The following WDPCP variants were observed in gnomAD, a reference collection of about 807,000 sequenced individuals.
WDPCP encodes the protein WD repeat-containing and planar cell polarity effector protein fritz homolog.
A neutral mutation model predicts 93.1 loss-of-function variants in WDPCP; 71 were observed. The observed-to-expected ratio is 0.76, with a 90% CI of 0.63 to 0.93. WDPCP has a LOEUF of 0.93. WDPCP is among the 40% of genes least tolerant of loss of function. The pLI is 0.00. For missense variants in WDPCP, 844 were observed against 887.4 expected (o/e 0.95, Z 0.62); for synonymous variants, 315 against 315.0 (o/e 1.00, Z 0.00).
intron 14 of WDPCP, chr2:63,228,482 G>T (rs1387954810): frequency 6.9e-6 from 1 of 144,676 alleles, no homozygotes; most frequent in African/African-American, 2.6e-5. Flanking sequence ...TGCACAACGT[G>T]CAGGTTTGTT....
At chr2:63,523,649 C>T (rs1242674493) in intron 1 of WDPCP, among the ~76,000 whole-genome samples, 2 of 152,210 alleles carry the variant, frequency 1.3e-5, no homozygotes, top group Non-Finnish European at 2.9e-5. Context: ...CAGTGGCTCA[C>T]ACCTGTAATC....
At chr2:63,790,717 C>T (rs1670531947) in intron 2 of WDPCP, among the ~76,000 whole-genome samples, 1 of 152,094 alleles carries the variant, frequency 6.6e-6, no homozygotes, top group African/African-American at 2.4e-5. Context: ...AAGGAAAGTC[C>T]TATTTCTGTA....
intron 2 of WDPCP, among the ~76,000 whole-genome samples, chr2:63,722,341 C>G (rs938499782): frequency 6.6e-6 from 1 of 150,686 alleles, no homozygotes; most frequent in Non-Finnish European, 1.5e-5. Flanking sequence ...TCTGCCCGGC[C>G]GCCCATCGTC....
At chr2:63,538,515 A>T in intron 1 of WDPCP, among the ~76,000 whole-genome samples, 1 of 152,172 alleles carries the variant, frequency 6.6e-6, no homozygotes, top group East Asian at 1.9e-4. Context: ...ATGGGAGAGA[A>T]ATTCATACAA....
In WDPCP at chr2:63,674,168, G is replaced by A. The variant is rs539911034; in HGVS notation, n.309-23330C>T. Among the ~76,000 whole-genome samples, 15 of 152,314 alleles carry A rather than the reference G, an allele frequency of 9.8e-5. 1 individual carries two copies. In the South Asian group the frequency reaches 3.1e-3, roughly 32 times the overall value. On this transcript the variant is annotated intron_variant and non_coding_transcript_variant, in intron 2 of 4. Transcript: ENST00000467687. ...AATATTTTCTCCTCATGGATAAAAA[G>A]AACAATGCGATTGATTTTACGTATT... is the stretch of plus-strand genomic sequence containing the variant.
At chr2:63,654,471 G>C (rs1710142508) in intron 2 of WDPCP, among the ~76,000 whole-genome samples, 1 of 152,238 alleles carries the variant, frequency 6.6e-6, no homozygotes, top group African/African-American at 2.4e-5. Flanking sequence ...TCAGAGGATG[G>C]ATTTTTCTCA....
intron 14 of WDPCP, among the ~76,000 whole-genome samples, chr2:63,205,770 AC>A (rs932266491): frequency 5.2e-4 from 79 of 152,344 alleles, no homozygotes; most frequent in African/African-American, 1.7e-3. Flanking sequence ...GCATCTGCAA[AC>A]AAGGACAGTT....
chr2:63,570,547 G>C (rs1409477596), intron 1 of WDPCP, among the ~76,000 whole-genome samples: 19 of 152,128 alleles, frequency 1.2e-4, no homozygotes, highest in Admixed American at 1.2e-3. Context: ...GATGAACTTG[G>C]GATAGGTATT....
At chr2:63,649,712 C>T (rs1020126388) in intron 3 of WDPCP, among the ~76,000 whole-genome samples, 3 of 152,128 alleles carry the variant, frequency 2.0e-5, no homozygotes, top group African/African-American at 2.4e-5. Context: ...AGCCTATTAA[C>T]TTGTTTTGCT....
At chr2:63,736,967 A>C (rs1014215902) in intron 2 of WDPCP, among the ~76,000 whole-genome samples, 5 of 152,146 alleles carry the variant, frequency 3.3e-5, no homozygotes, top group South Asian at 2.1e-4. Context: ...GAAAAAAAAA[A>C]CCATATATTA....
chr2:63,701,074 G>A (rs535946336), intron 2 of WDPCP, among the ~76,000 whole-genome samples: 1 of 152,212 alleles, frequency 6.6e-6, no homozygotes, highest in Admixed American at 6.5e-5. Flanking sequence ...ACAATCCACA[G>A]AATAGAAGAA....
chr2:63,686,655 T>C (rs1273625886), intron 2 of WDPCP, among the ~76,000 whole-genome samples: 3 of 151,832 alleles, frequency 2.0e-5, no homozygotes, highest in Non-Finnish European at 4.4e-5. Context: ...AGAAGAAAAC[T>C]GAAGGAATCA....
intron 3 of WDPCP, among the ~76,000 whole-genome samples, chr2:63,621,348 G>A (rs1709735475): frequency 1.3e-5 from 2 of 151,794 alleles, no homozygotes; most frequent in Non-Finnish European, 2.9e-5. Context: ...TGATGGAGCT[G>A]AAAAACAGCA....
chr2:63,551,219 TATAA>T, intron 1 of WDPCP, among the ~76,000 whole-genome samples: 1 of 82,274 alleles, frequency 1.2e-5, no homozygotes, highest in Non-Finnish European at 2.2e-5. Flanking sequence ...AGCTTTCATT[TATAA>T]ATAAATACAA....
intron 9 of WDPCP, among the ~76,000 whole-genome samples, chr2:63,419,175 C>A (rs1695653666): frequency 1.3e-5 from 2 of 152,158 alleles, no homozygotes; most frequent in South Asian, 2.1e-4. Context: ...TGGAGTCTCA[C>A]TGTGTCACCC....
intron 3 of WDPCP, chr2:63,607,012 T>A: frequency 6.3e-7 from 1 of 1,594,724 alleles, no homozygotes; most frequent in African/African-American, 1.3e-5. Context: ...TACTAAATGC[T>A]TCAAAGCTGA....
Position 63,232,219 on chromosome 2 carries a change from A to G in WDPCP, c.1915+27088T>C, listed in dbSNP as rs558945694. On this transcript the variant is annotated intron_variant, in intron 14 of 17. Coordinates refer to ENST00000272321, the MANE Select transcript of WDPCP (RefSeq NM_015910.7). ...AGACTTAAATGTTAGACCTAAAACC[A>G]TAAAAACCCTAGAAGCAAACGTAGG... 9.2e-5 allele frequency among the ~76,000 whole-genome samples: 14 copies of G among 152,372 alleles called. 1 individual carries two copies. In the South Asian group the frequency reaches 2.7e-3, roughly 29 times the overall value.
intron 6 of WDPCP, among the ~76,000 whole-genome samples, chr2:63,455,371 C>G (rs928846714): frequency 6.7e-6 from 1 of 149,326 alleles, no homozygotes; most frequent in Non-Finnish European, 1.5e-5. Flanking sequence ...AAACCGTGAT[C>G]CAACAATATT....
At chr2:63,804,010 G>T (rs1425408540) in intron 2 of WDPCP, among the ~76,000 whole-genome samples, 1 of 152,062 alleles carries the variant, frequency 6.6e-6, no homozygotes, top group Non-Finnish European at 1.5e-5. Flanking sequence ...AATTGGCATT[G>T]AATTGAAATA....
Sources: gnomAD v4.1 joint callset for allele counts (sites outside exome capture counted in the v4.1 genomes callset) on GRCh38, gnomAD v4.1.1 for gene constraint, MANE v1.5 for transcripts, NCBI Gene and HGNC (gene_info 2026-07-23, HGNC 2026-07-21) for gene names.